CTNNBL1: variants seen among roughly 807,000 people sequenced by gnomAD.
CTNNBL1 encodes the protein catenin beta like 1.
A neutral mutation model predicts 72.7 loss-of-function variants in CTNNBL1; 31 were observed. That is an observed-to-expected ratio of 0.43 (90% confidence interval 0.32 to 0.58). The LOEUF (loss-of-function observed/expected upper bound fraction) is 0.58, where lower values mean the gene tolerates loss of function less well. Among genes scored for constraint, CTNNBL1 ranks in the 20% least tolerant of loss-of-function variants. The pLI is 0.08. For synonymous variants in CTNNBL1, 240 were observed against 267.3 expected, an observed-to-expected ratio of 0.90 and a Z score of 1.00; for missense variants, 534 against 725.1, an observed-to-expected ratio of 0.74 and a Z score of 3.03.
chr20:37,770,698 T>C (rs774905325), intron 7 of CTNNBL1, among the ~76,000 whole-genome samples: 3 of 152,212 alleles, frequency 2.0e-5, no homozygotes, highest in Non-Finnish European at 4.4e-5. Flanking sequence ...AGGCACTGCA[T>C]TGATGTAATC....
chr20:37,716,018 C>A (rs1351432065), intron 1 of CTNNBL1, among the ~76,000 whole-genome samples: 1 of 151,606 alleles, frequency 6.6e-6, no homozygotes, highest in Non-Finnish European at 1.5e-5. Flanking sequence ...TAAAGGCAAC[C>A]AGTTCTTAAG....
chr20:37,839,498 A>C (rs2072283366), intron 11 of CTNNBL1, among the ~76,000 whole-genome samples: 1 of 152,236 alleles, frequency 6.6e-6, no homozygotes, highest in South Asian at 2.1e-4. Flanking sequence ...GAGTAGAAGA[A>C]TAGTATTTCA....
intron 10 of CTNNBL1, among the ~76,000 whole-genome samples, chr20:37,786,399 A>G (rs2073673642): frequency 6.6e-6 from 1 of 152,222 alleles, no homozygotes; most frequent in Admixed American, 6.5e-5. Flanking sequence ...TCTGAGAGCC[A>G]GAGCCTGGAC....
intron 1 of CTNNBL1, among the ~76,000 whole-genome samples, chr20:37,700,208 A>T (rs1376211249): frequency 6.6e-6 from 1 of 152,194 alleles, no homozygotes; most frequent in Admixed American, 6.5e-5. Context: ...TTTTTTTTCA[A>T]TCGCTTGTAA....
intron 7 of CTNNBL1, among the ~76,000 whole-genome samples, chr20:37,768,530 G>A (rs1464992883): frequency 1.3e-5 from 2 of 152,168 alleles, no homozygotes; most frequent in Non-Finnish European, 2.9e-5. Context: ...CCACTGGTAA[G>A]TTTGTAGTGT....
intron 1 of CTNNBL1, among the ~76,000 whole-genome samples, chr20:37,701,014 A>C (rs1208419423): frequency 6.6e-6 from 1 of 152,218 alleles, no homozygotes; most frequent in African/African-American, 2.4e-5. Context: ...AGTGATAGAA[A>C]TAGTATTAAA....
At chr20:37,863,597 A>G (rs1324804250) in intron 15 of CTNNBL1, among the ~76,000 whole-genome samples, 1 of 152,180 alleles carries the variant, frequency 6.6e-6, no homozygotes, top group Admixed American at 6.5e-5. Context: ...GGGGAGGACT[A>G]TAGCCCCTTC....
intron 13 of CTNNBL1, 52 bp downstream of exon 13, chr20:37,842,471 G>A (rs1396575179): frequency 7.9e-7 from 1 of 1,262,068 alleles, no homozygotes; most frequent in Non-Finnish European, 1.2e-6. Flanking sequence ...CTCCGTTTGG[G>A]TCCCTTGTGT....
At chr20:37,728,046 T>C (rs967097378) in intron 1 of CTNNBL1, among the ~76,000 whole-genome samples, 3 of 152,230 alleles carry the variant, frequency 2.0e-5, no homozygotes, top group South Asian at 2.1e-4. Flanking sequence ...CATATTTCAC[T>C]CAATGTTGCT....
chr20:37,777,161 A>G (rs1238406367), intron 7 of CTNNBL1, 184 bp from the exon 8 acceptor site: 10 of 551,638 alleles, frequency 1.8e-5, no homozygotes, highest in Non-Finnish European at 3.3e-5. Flanking sequence ...CATTGTTTCA[A>G]TCTGTCACTT....
At chr20:37,696,804 CACTT>C (rs980351901) in intron 1 of CTNNBL1, among the ~76,000 whole-genome samples, 2 of 152,094 alleles carry the variant, frequency 1.3e-5, no homozygotes, top group African/African-American at 4.8e-5. Context: ...TAAATGATAA[CACTT>C]ACGATATATT....
At chr20:37,778,525 C>T (rs1455283435) in intron 9 of CTNNBL1, among the ~76,000 whole-genome samples, 1 of 152,156 alleles carries the variant, frequency 6.6e-6, no homozygotes, top group Non-Finnish European at 1.5e-5. Context: ...TTGTAGTAGA[C>T]TGTATGGGTA....
chr20:37,837,719 G>A (rs554439260), intron 11 of CTNNBL1, among the ~76,000 whole-genome samples: 2 of 152,252 alleles, frequency 1.3e-5, no homozygotes, highest in Admixed American at 1.3e-4. Context: ...TGGCCTGTTT[G>A]CCCCCATGCC....
chr20:37,759,895 G>A (rs1329975259), intron 5 of CTNNBL1, among the ~76,000 whole-genome samples: 1 of 152,166 alleles, frequency 6.6e-6, no homozygotes, highest in Non-Finnish European at 1.5e-5. Flanking sequence ...TTTAATTTGA[G>A]GCCAATATCT....
rs2072478274 is a variant in CTNNBL1, at chr20:37,860,044, G to C, written c.1530+8G>C. Reference sequence around the variant, plus strand: ...AATGCCAATGTCCCCCAGGTAGGAGGGTCTTCCCCTGGATGGGCTTATCCA... The same window carrying C: ...AATGCCAATGTCCCCCAGGTAGGAGCGTCTTCCCCTGGATGGGCTTATCCA... On this transcript the variant is annotated splice_region_variant and intron_variant, in intron 14 of 15. Transcript: ENST00000361383. 6.2e-7 allele frequency: 1 copy of C among 1,613,906 alleles called. No individual in the cohort carries two copies. The highest frequency in any genetic ancestry group is 8.5e-7 in the Non-Finnish European group (1 of 1,179,888).
At chr20:37,860,444 T>G in intron 15 of CTNNBL1, 100 bp downstream of exon 15, 1 of 970,782 alleles carries the variant, frequency 1.0e-6, no homozygotes. Context: ...TGGAGCGTTT[T>G]CTGCACTGAA....
chr20:37,831,335 G>A (rs2072207709), intron 11 of CTNNBL1, among the ~76,000 whole-genome samples: 1 of 147,790 alleles, frequency 6.8e-6, no homozygotes, highest in South Asian at 2.2e-4. Flanking sequence ...GTACTCTATT[G>A]TAATTGTTTA....
intron 13 of CTNNBL1, among the ~76,000 whole-genome samples, chr20:37,848,312 G>A (rs527380354): frequency 1.6e-4 from 25 of 152,008 alleles, no homozygotes; most frequent in African/African-American, 5.6e-4. Context: ...GTGCCACCAC[G>A]CCCAGCTAAT....
chr20:37,842,821 G>A (rs967542312), intron 13 of CTNNBL1, among the ~76,000 whole-genome samples: 3 of 152,214 alleles, frequency 2.0e-5, no homozygotes, highest in African/African-American at 7.2e-5. Context: ...GCGTAGAGGA[G>A]CTGGAAGGAA....
Sources: gnomAD v4.1 joint callset for allele counts (sites outside exome capture counted in the v4.1 genomes callset) on GRCh38, gnomAD v4.1.1 for gene constraint, MANE v1.5 for transcripts, NCBI Gene and HGNC (gene_info 2026-07-23, HGNC 2026-07-21) for gene names.